EFNA5: variants seen among roughly 807,000 people sequenced by gnomAD.
EFNA5 encodes ephrin-A5.
In EFNA5, 5 loss-of-function variants were observed where a neutral mutation model predicts 22.9. That is an observed-to-expected ratio of 0.22 (90% CI 0.11 to 0.46). The LOEUF (loss-of-function observed/expected upper bound fraction) is 0.46. Ranked by LOEUF, EFNA5 falls within the 20% of genes least tolerant of loss-of-function variation. EFNA5 has a pLI of 0.99. For synonymous variants in EFNA5, 113 were observed against 112.2 expected, an observed-to-expected ratio of 1.01 and a Z score of -0.04; for missense variants, 237 against 293.3, an observed-to-expected ratio of 0.81 and a Z score of 1.40.
chr5:107,503,539 G>T lies in EFNA5; in HGVS notation c.126-76030C>A, dbSNP rs563212810. Among the ~76,000 whole-genome samples the T allele has an allele frequency of 1.1e-3, 164 of 152,266 alleles. 1 individual carries two copies. The highest frequency in any genetic ancestry group is 7.7e-4 in the East Asian group (4 of 5,182). On this transcript the variant is annotated intron_variant, in intron 1 of 4. Coordinates refer to ENST00000333274, the MANE Select transcript of EFNA5 (RefSeq NM_001962.3). ...AAAGCCTCAGAAATTGCCTGAAAAAGTCAGCATAAAATTAAGAGTAAATCA... is the reference window on the plus strand; with the variant it reads ...AAAGCCTCAGAAATTGCCTGAAAAATTCAGCATAAAATTAAGAGTAAATCA...
At chr5:107,419,686 A>G (rs1748603333) in intron 2 of EFNA5, among the ~76,000 whole-genome samples, 1 of 152,136 alleles carries the variant, frequency 6.6e-6, no homozygotes, top group Non-Finnish European at 1.5e-5. Context: ...GTGTCTTAAA[A>G]CACCATGTGC....
At chr5:107,653,728 T>C (rs1750776526) in intron 1 of EFNA5, among the ~76,000 whole-genome samples, 2 of 152,168 alleles carry the variant, frequency 1.3e-5, no homozygotes, top group Non-Finnish European at 2.9e-5. Context: ...CAATACTAAT[T>C]AGCAATTTAT....
intron 1 of EFNA5, among the ~76,000 whole-genome samples, chr5:107,520,759 C>G (rs1366790613): frequency 1.3e-5 from 2 of 152,178 alleles, no homozygotes; most frequent in Non-Finnish European, 2.9e-5. Context: ...TGGTACCAAC[C>G]AGATCTGCCT....
Position 107,493,868 on chromosome 5 carries a change from A to G in EFNA5, c.126-66359T>C, listed in dbSNP as rs557013021. Among the ~76,000 whole-genome samples the G allele has an allele frequency of 3.9e-5, 6 of 152,274 alleles. No individual in the cohort carries two copies. The South Asian group carries it at 1.2e-3, about 32-fold the overall frequency. On this transcript the variant is annotated intron_variant, in intron 1 of 4. Transcript: ENST00000333274. ...TAAGGTTTATACAATTATTACCCAC[A>G]TGTCACAGATGAGGAAACAGGCACA...
intron 1 of EFNA5, among the ~76,000 whole-genome samples, chr5:107,568,993 C>G (rs1748718374): frequency 6.6e-6 from 1 of 152,128 alleles, no homozygotes; most frequent in South Asian, 2.1e-4. Context: ...GTTCCTCCCA[C>G]CTTGGTTCTG....
At chr5:107,601,024 A>C (rs535286685) in intron 1 of EFNA5, among the ~76,000 whole-genome samples, 61 of 152,332 alleles carry the variant, frequency 4.0e-4, no homozygotes, top group Non-Finnish European at 7.6e-4. Flanking sequence ...AACCTGGTAA[A>C]TGTGAAAAAT....
chr5:107,574,068 TAAGAAA>T (rs1415418064), intron 1 of EFNA5, among the ~76,000 whole-genome samples: 1 of 152,248 alleles, frequency 6.6e-6, no homozygotes, highest in African/African-American at 2.4e-5. Flanking sequence ...AAATAATCTG[TAAGAAA>T]AACAGAATCT....
intron 1 of EFNA5, among the ~76,000 whole-genome samples, chr5:107,615,450 C>T (rs1439244263): frequency 3.3e-5 from 5 of 152,212 alleles, no homozygotes; most frequent in Non-Finnish European, 7.4e-5. Context: ...GTGATGATCC[C>T]TATTTTCAGT....
chr5:107,385,516 G>C (rs139130799), intron 4 of EFNA5, among the ~76,000 whole-genome samples: 142 of 152,260 alleles, frequency 9.3e-4, no homozygotes, highest in African/African-American at 3.3e-3. Flanking sequence ...ACAAAGACAA[G>C]AGACTTAAGT....
At chr5:107,662,280 C>G (rs544588369) in intron 1 of EFNA5, among the ~76,000 whole-genome samples, 2 of 152,156 alleles carry the variant, frequency 1.3e-5, no homozygotes, top group Non-Finnish European at 2.9e-5. Flanking sequence ...TACAACCACC[C>G]AAAATCCTAC....
chr5:107,522,841 T>A (rs984305152), intron 1 of EFNA5, among the ~76,000 whole-genome samples: 74 of 152,302 alleles, frequency 4.9e-4, no homozygotes, highest in African/African-American at 1.7e-3. Context: ...TTCAAACTCA[T>A]CACACTCTCT....
At chr5:107,669,437 G>C (rs1751139496) in intron 1 of EFNA5, among the ~76,000 whole-genome samples, 1 of 151,936 alleles carries the variant, frequency 6.6e-6, no homozygotes, top group Admixed American at 6.6e-5. Context: ...GTGCGGTATG[G>C]GCCTAGCGGG....
intron 1 of EFNA5, among the ~76,000 whole-genome samples, chr5:107,470,695 C>T (rs141814225): frequency 4.0e-4 from 61 of 152,216 alleles, no homozygotes; most frequent in African/African-American, 1.3e-3. Context: ...ATTAACATTG[C>T]TGATAATGGA....
At chr5:107,663,783 T>C (rs1751014667) in intron 1 of EFNA5, among the ~76,000 whole-genome samples, 1 of 152,148 alleles carries the variant, frequency 6.6e-6, no homozygotes, top group Non-Finnish European at 1.5e-5. Context: ...GAGCATTTTA[T>C]CCATCTTGAA....
chr5:107,448,880 T>TAAAAA (rs1009095566), intron 1 of EFNA5, among the ~76,000 whole-genome samples: 2 of 148,444 alleles, frequency 1.3e-5, no homozygotes, highest in African/African-American at 2.5e-5. Flanking sequence ...TAAAATAAAA[T>TAAAAA]AAAAACAAAA....
intron 1 of EFNA5, among the ~76,000 whole-genome samples, chr5:107,463,495 TC>T (rs1167358929): frequency 1.3e-5 from 2 of 152,110 alleles, no homozygotes; most frequent in African/African-American, 4.8e-5. Flanking sequence ...CCAATATTTT[TC>T]CAATAAAAAC....
chr5:107,660,072 G>A (rs1028043777), intron 1 of EFNA5, among the ~76,000 whole-genome samples: 5 of 151,248 alleles, frequency 3.3e-5, no homozygotes, highest in African/African-American at 4.9e-5. Flanking sequence ...AGTTGACTAT[G>A]GTGATGTCAA....
intron 1 of EFNA5, among the ~76,000 whole-genome samples, chr5:107,442,825 G>A (rs1256018805): frequency 2.0e-5 from 3 of 147,382 alleles, no homozygotes; most frequent in Non-Finnish European, 3.0e-5. Flanking sequence ...TCAAAACAAC[G>A]CTGACAAATT....
chr5:107,669,043 G>A (rs922619169), intron 1 of EFNA5, among the ~76,000 whole-genome samples: 8 of 152,122 alleles, frequency 5.3e-5, no homozygotes, highest in African/African-American at 1.4e-4. Context: ...TGGACTAGCG[G>A]GATAGGGGGA....
Sources: gnomAD v4.1 joint callset for allele counts (sites outside exome capture counted in the v4.1 genomes callset) on GRCh38, gnomAD v4.1.1 for gene constraint, MANE v1.5 for transcripts, NCBI Gene and HGNC (gene_info 2026-07-23, HGNC 2026-07-21) for gene names.